The following MAGI2 variants were observed in gnomAD, a reference collection of about 807,000 sequenced individuals.
MAGI2 encodes the protein membrane associated guanylate kinase, WW and PDZ domain containing 2.
In MAGI2, 35 loss-of-function variants were observed where a neutral mutation model predicts 133.3. The ratio of observed to expected loss-of-function variants is 0.26; its 90% CI spans 0.20 to 0.35. The LOEUF is 0.35. Ranked by LOEUF, MAGI2 falls within the 10% of genes least tolerant of loss-of-function variation. MAGI2 has a pLI of 1.00. For synonymous variants in MAGI2, 729 were observed against 710.6 expected, an observed-to-expected ratio of 1.03 and a Z score of -0.41; for missense variants, 1,636 against 1,863.4, an observed-to-expected ratio of 0.88 and a Z score of 2.25.
At chr7:78,718,307 C>T (rs896690246) in intron 2 of MAGI2, among the ~76,000 whole-genome samples, 1 of 152,170 alleles carries the variant, frequency 6.6e-6, no homozygotes, top group African/African-American at 2.4e-5. Flanking sequence ...TACCGTCCAT[C>T]TCAGCACTTT....
intron 1 of MAGI2, among the ~76,000 whole-genome samples, chr7:79,262,184 T>G (rs1834137327): frequency 6.6e-6 from 1 of 152,202 alleles, no homozygotes; most frequent in Non-Finnish European, 1.5e-5. Flanking sequence ...TTGCCCTTCC[T>G]TCTCTTAGAT....
At chr7:79,099,665 C>T (rs1817802783) in intron 1 of MAGI2, among the ~76,000 whole-genome samples, 1 of 151,918 alleles carries the variant, frequency 6.6e-6, no homozygotes, top group African/African-American at 2.4e-5. Context: ...GTCTATTTTT[C>T]CCCTCTTTTT....
intron 6 of MAGI2, among the ~76,000 whole-genome samples, chr7:78,422,090 A>T (rs1798853634): frequency 6.6e-6 from 1 of 152,180 alleles, no homozygotes; most frequent in African/African-American, 2.4e-5. Flanking sequence ...AGGTCCTGGT[A>T]GTCATTGTAG....
rs151197830 is a variant in MAGI2 at position 79,208,405 on chromosome 7, A to C, written c.302-201199T>G. ...ACATGAATGGACGTCTCCTCAAGAG[A>C]AAACATACAAATGGCCAACAGGTAT... is the stretch of plus-strand genomic sequence containing the variant. On this transcript the variant is annotated intron_variant, in intron 1 of 21. Coordinates refer to ENST00000354212, the MANE Select transcript of MAGI2 (RefSeq NM_012301.4). Among the ~76,000 whole-genome samples the C allele has an allele frequency of 3.6e-4, 55 of 152,146 alleles. 1 individual carries two copies. The East Asian group carries it at 9.8e-3, about 27-fold the overall frequency.
At chr7:78,909,569 C>T (rs185541051) in intron 2 of MAGI2, among the ~76,000 whole-genome samples, 1 of 138,864 alleles carries the variant, frequency 7.2e-6, no homozygotes, top group East Asian at 2.2e-4. Context: ...TGCCACTGCA[C>T]TCCAGCCTGG....
intron 2 of MAGI2, among the ~76,000 whole-genome samples, chr7:78,963,940 C>T (rs1362453104): frequency 6.6e-6 from 1 of 151,894 alleles, no homozygotes; most frequent in Non-Finnish European, 1.5e-5. Context: ...TCCACAGAGG[C>T]CATGATGTGT....
At chr7:78,426,590 A>G (rs1440154829) in intron 6 of MAGI2, among the ~76,000 whole-genome samples, 1 of 151,786 alleles carries the variant, frequency 6.6e-6, no homozygotes, top group African/African-American at 2.4e-5. Flanking sequence ...CATGTACCCT[A>G]AAACTTAAAG....
At chr7:78,178,721 C>T (rs1350460889) in intron 13 of MAGI2, among the ~76,000 whole-genome samples, 2 of 152,070 alleles carry the variant, frequency 1.3e-5, no homozygotes, top group Non-Finnish European at 2.9e-5. Flanking sequence ...TATTTTCTGA[C>T]AAACTCCTTT....
intron 6 of MAGI2, among the ~76,000 whole-genome samples, chr7:78,449,665 T>A (rs1788516343): frequency 6.6e-6 from 1 of 152,088 alleles, no homozygotes; most frequent in Admixed American, 6.6e-5. Context: ...TGAACGCGTG[T>A]GGCTTCAAAA....
At chr7:78,332,598 TGA>T (rs1249122139) in intron 9 of MAGI2, among the ~76,000 whole-genome samples, 6 of 150,108 alleles carry the variant, frequency 4.0e-5, no homozygotes, top group Non-Finnish European at 2.9e-5. Flanking sequence ...CTCAGGAGGC[TGA>T]GGCAGGAGAA....
chr7:78,111,511 AGT>A (rs1819357827), intron 20 of MAGI2, among the ~76,000 whole-genome samples: 1 of 152,252 alleles, frequency 6.6e-6, no homozygotes, highest in South Asian at 2.1e-4. Flanking sequence ...AAAGAAATGG[AGT>A]CCTCCTCATG....
chr7:78,928,011 G>A (rs775176854), intron 2 of MAGI2, among the ~76,000 whole-genome samples: 4 of 151,818 alleles, frequency 2.6e-5, no homozygotes, highest in Non-Finnish European at 4.4e-5. Flanking sequence ...TATTTCAAAA[G>A]TTCTGAAGTC....
intron 2 of MAGI2, among the ~76,000 whole-genome samples, chr7:78,888,282 C>T (rs545305531): frequency 6.6e-6 from 1 of 152,342 alleles, no homozygotes; most frequent in African/African-American, 2.4e-5. Flanking sequence ...CTGCCTGCCT[C>T]TGTAGACTCC....
At chr7:79,024,555 C>A (rs1431588390) in intron 1 of MAGI2, among the ~76,000 whole-genome samples, 1 of 151,772 alleles carries the variant, frequency 6.6e-6, no homozygotes, top group Non-Finnish European at 1.5e-5. Flanking sequence ...AAACTATCAA[C>A]AAAGTAAAGA....
intron 1 of MAGI2, among the ~76,000 whole-genome samples, chr7:79,202,611 A>T (rs904507763): frequency 2.4e-4 from 36 of 151,912 alleles, no homozygotes; most frequent in Admixed American, 5.9e-4. Flanking sequence ...AAACGTATTT[A>T]AAAAACTCAT....
At chr7:79,149,858 AT>A (rs1435657134) in intron 1 of MAGI2, among the ~76,000 whole-genome samples, 2 of 152,190 alleles carry the variant, frequency 1.3e-5, no homozygotes, top group Non-Finnish European at 2.9e-5. Context: ...AGAGTCTCAA[AT>A]TTTTTAAAAA....
intron 2 of MAGI2, among the ~76,000 whole-genome samples, chr7:78,702,829 T>G (rs1400087858): frequency 6.6e-6 from 1 of 151,916 alleles, no homozygotes; most frequent in Non-Finnish European, 1.5e-5. Flanking sequence ...CACAGAGTGT[T>G]TGTGAGTATT....
chr7:78,369,371 T>C (rs542403731), intron 6 of MAGI2, among the ~76,000 whole-genome samples, 158 bp from the exon 7 acceptor site: 2 of 152,200 alleles, frequency 1.3e-5, no homozygotes, highest in Non-Finnish European at 1.5e-5. Context: ...ATAGAAACTA[T>C]AAGAGGCACT....
At chr7:78,468,587 A>G (rs1790879582) in intron 6 of MAGI2, among the ~76,000 whole-genome samples, 1 of 152,148 alleles carries the variant, frequency 6.6e-6, no homozygotes, top group African/African-American at 2.4e-5. Context: ...ATATTGCACA[A>G]TTAGAATATT....
Sources: gnomAD v4.1 joint callset for allele counts (sites outside exome capture counted in the v4.1 genomes callset) on GRCh38, gnomAD v4.1.1 for gene constraint, MANE v1.5 for transcripts, NCBI Gene and HGNC (gene_info 2026-07-23, HGNC 2026-07-21) for gene names.